The following RYR3 variants were observed in gnomAD, a reference collection of about 807,000 sequenced individuals.
RYR3 encodes the protein ryanodine receptor 3, also known as brain ryanodine receptor-calcium release channel.
In RYR3, 207 loss-of-function variants were observed where a neutral mutation model predicts 584.3. The observed-to-expected ratio is 0.35, with a 90% confidence interval of 0.32 to 0.40. The LOEUF is 0.40. Among genes scored for constraint, RYR3 ranks in the 10% least tolerant of loss-of-function variants. RYR3 has a pLI of 1.00. For synonymous variants in RYR3, 2,416 were observed against 2,248.5 expected (o/e 1.07, Z -2.11); for missense variants, 5,616 against 6,089.2 (o/e 0.92, Z 2.59).
At chr15:33,543,855 G>T (rs191967870) in intron 8 of RYR3, 140 bp downstream of exon 8, 2 of 683,902 alleles carry the variant, frequency 2.9e-6, no homozygotes, top group African/African-American at 1.8e-5. Flanking sequence ...CATGGGTTCC[G>T]GTTTGTAAAA....
At position 33,584,448 on chromosome 15, in the gene RYR3, G is replaced by A; in HGVS notation, c.1627G>A (p.Asp543Asn). The A allele has an allele frequency of 6.2e-7, 1 of 1,605,224 alleles. No individual in the cohort carries two copies. The highest frequency in any genetic ancestry group is 8.5e-7 in the Non-Finnish European group (1 of 1,172,986). The change falls in exon 15 of 104, where the codon GAT becomes AAT. Residue 543 changes from aspartate to asparagine, a missense_variant. Coordinates refer to ENST00000634891, the MANE Select transcript of RYR3 (RefSeq NM_001036.6). ...TTGCGCTCAATTCTCCAATAACCTTGATTGGCTCATCAGTAAATTGGACAG... is the reference window on the plus strand; with the variant it reads ...TTGCGCTCAATTCTCCAATAACCTTAATTGGCTCATCAGTAAATTGGACAG... ...NNCAQFSNNL[D>N]WLISKLDRLE...
At chr15:33,843,781 C>T (rs1331368469) in intron 92 of RYR3, among the ~76,000 whole-genome samples, 1 of 152,162 alleles carries the variant, frequency 6.6e-6, no homozygotes. Flanking sequence ...GGGACTATTT[C>T]AATAGTTCAT....
intron 14 of RYR3, 138 bp downstream of exon 14, chr15:33,581,781 T>C (rs1175185720): frequency 8.1e-6 from 6 of 743,744 alleles, no homozygotes; most frequent in Non-Finnish European, 8.9e-6. Context: ...TTGTTAACCA[T>C]TCAATTTTAA....
chr15:33,629,479 T>G (rs961503342), intron 21 of RYR3, among the ~76,000 whole-genome samples: 2 of 152,268 alleles, frequency 1.3e-5, no homozygotes, highest in Non-Finnish European at 2.9e-5. Context: ...TAATTTCAAC[T>G]TTTCTTTTTG....
chr15:33,440,411 T>C (rs2046122646), intron 1 of RYR3, among the ~76,000 whole-genome samples: 1 of 152,184 alleles, frequency 6.6e-6, no homozygotes, highest in Non-Finnish European at 1.5e-5. Flanking sequence ...CCATGCGTGT[T>C]TTAGGATAGA....
At chr15:33,448,215 A>G (rs2046830721) in intron 1 of RYR3, among the ~76,000 whole-genome samples, 4 of 152,184 alleles carry the variant, frequency 2.6e-5, no homozygotes. Flanking sequence ...CTCTCAAGAA[A>G]GCAGACGTCT....
At chr15:33,365,059 G>A (rs1328768238) in intron 1 of RYR3, among the ~76,000 whole-genome samples, 2 of 152,218 alleles carry the variant, frequency 1.3e-5, no homozygotes. Context: ...CAGGGTAGCA[G>A]CAACATGTAG....
At chr15:33,685,942 A>G (rs2064976779) in intron 38 of RYR3, among the ~76,000 whole-genome samples, 1 of 152,234 alleles carries the variant, frequency 6.6e-6, no homozygotes, top group Non-Finnish European at 1.5e-5. Flanking sequence ...CATTTAAAGC[A>G]GTGTGTAGAG....
intron 53 of RYR3, among the ~76,000 whole-genome samples, 187 bp from the exon 54 acceptor site, chr15:33,747,927 T>C (rs1486369546): frequency 1.3e-5 from 2 of 152,194 alleles, no homozygotes; most frequent in African/African-American, 4.8e-5. Flanking sequence ...TAGGGTCTTA[T>C]ATCTAAAAAC....
intron 85 of RYR3, among the ~76,000 whole-genome samples, chr15:33,828,280 C>T (rs1405695437): frequency 6.6e-6 from 1 of 152,178 alleles, no homozygotes; most frequent in East Asian, 1.9e-4. Context: ...TTCCCTGAGA[C>T]ATAACAGTAT....
chr15:33,784,048 A>G (rs1384571059), intron 65 of RYR3, among the ~76,000 whole-genome samples: 2 of 152,228 alleles, frequency 1.3e-5, no homozygotes, highest in Non-Finnish European at 2.9e-5. Context: ...GATAGCAACA[A>G]AAGTCATCAC....
At chr15:33,476,000 C>T (rs1045916563) in intron 2 of RYR3, among the ~76,000 whole-genome samples, 8 of 152,100 alleles carry the variant, frequency 5.3e-5, no homozygotes, top group African/African-American at 7.2e-5. Context: ...TAATACAGTA[C>T]ACTTAACAGC....
intron 1 of RYR3, among the ~76,000 whole-genome samples, chr15:33,353,698 G>A (rs1973579014): frequency 6.6e-6 from 1 of 152,092 alleles, no homozygotes; most frequent in Non-Finnish European, 1.5e-5. Flanking sequence ...TACCTCTAAA[G>A]TTCTTTGTTG....
chr15:33,608,321 A>G (rs1034298824), intron 18 of RYR3, among the ~76,000 whole-genome samples: 1 of 152,138 alleles, frequency 6.6e-6, no homozygotes, highest in Non-Finnish European at 1.5e-5. Flanking sequence ...GCTCAGTCAA[A>G]AGGATTTGCA....
chr15:33,566,757 G>A lies in RYR3; in HGVS notation c.1226G>A (p.Arg409Gln), dbSNP rs1321283918. Reference sequence around the variant, plus strand: ...CAGCGTGAGGAGTCCCAGGCTGCTCGGATCATCCGGAACACTACAGCCTTA... The same window carrying A: ...CAGCGTGAGGAGTCCCAGGCTGCTCAGATCATCCGGAACACTACAGCCTTA... ...RCQREESQAA[R>Q]IIRNTTALFS... The change falls in exon 12 of 104, where the codon CGG becomes CAG. Residue 409 changes from arginine (R) to glutamine (Q), a missense_variant. Transcript: ENST00000634891. 4 of 1,613,592 alleles carry A rather than the reference G, an allele frequency of 2.5e-6. No homozygotes were observed. Among genetic ancestry groups the A allele is most frequent in the East Asian group, 2.2e-5 (1 of 44,874 alleles).
intron 12 of RYR3, among the ~76,000 whole-genome samples, chr15:33,577,809 A>G (rs2058374057): frequency 6.6e-6 from 1 of 152,236 alleles, no homozygotes. Flanking sequence ...AGCCAAAGAA[A>G]CTATCATCAG....
chr15:33,670,427 T>G lies in RYR3; in HGVS notation c.5731T>G (p.Leu1911Val). The stretch of plus-strand genomic sequence containing the variant: ...GTTCTGTGGCTTGCTAGGGGTTCCT[T>G]TGGAAGAAGAGGAAGAGGAGGAGGA... ...EDLLLHCGVP[L>V]EEEEEEEEDT... The change falls in exon 38 of 104, where the codon TTG (leucine) becomes GTG (valine). Residue 1911 changes from leucine to valine, a missense_variant. Physicochemically the swap from Leu to Val is conservative, Grantham distance 32. Around this residue, in one of 9 missense-constraint regions of RYR3, gnomAD observed 1,280 missense variants for 1,426.2 expected, o/e 0.90. Coordinates refer to ENST00000634891, the MANE Select transcript of RYR3 (RefSeq NM_001036.6). 6.2e-7 allele frequency: 1 copy of G among 1,613,694 alleles called. No homozygotes were observed. Among genetic ancestry groups the G allele is most frequent in the Non-Finnish European group, 8.5e-7 (1 of 1,179,786 alleles).
chr15:33,634,045 T>G (rs1358079230), intron 24 of RYR3, among the ~76,000 whole-genome samples: 1 of 152,040 alleles, frequency 6.6e-6, no homozygotes, highest in Non-Finnish European at 1.5e-5. Context: ...TTAAAGTGTT[T>G]TTTGTTTTGT....
intron 60 of RYR3, among the ~76,000 whole-genome samples, chr15:33,760,338 C>A (rs2072304965): frequency 6.6e-6 from 1 of 151,712 alleles, no homozygotes; most frequent in Admixed American, 6.6e-5. Context: ...CACAGACAGG[C>A]AAATTGGATA....
Sources: allele counts gnomAD v4.1 joint callset (sites outside exome capture counted in the v4.1 genomes callset), GRCh38; gene constraint gnomAD v4.1.1; regional missense constraint gnomAD v4.1.1; transcripts MANE v1.5; gene names NCBI Gene and HGNC (gene_info 2026-07-23, HGNC 2026-07-21).